The following ARMH3 variants were observed in gnomAD, a reference collection of about 807,000 sequenced individuals.
The protein encoded by ARMH3 is armadillo-like helical domain-containing protein 3.
Under a neutral mutation model 99.1 loss-of-function variants are expected in ARMH3, and 60 were observed. The ratio of observed to expected loss-of-function variants is 0.61; its 90% CI spans 0.49 to 0.75. The LOEUF is 0.75. ARMH3 is among the 30% of genes least tolerant of loss of function. The pLI is 0.00. For missense variants in ARMH3, 679 were observed against 843.1 expected (o/e 0.81, Z 2.41); for synonymous variants, 285 against 292.8 (o/e 0.97, Z 0.27).
intron 1 of ARMH3, among the ~76,000 whole-genome samples, chr10:102,044,861 C>T (rs12782991): frequency 6.6e-6 from 1 of 151,986 alleles, no homozygotes; most frequent in Non-Finnish European, 1.5e-5. Context: ...GCACACCAGG[C>T]GTGGTGGCTC....
intron 24 of ARMH3, 25 bp downstream of exon 24, chr10:101,889,386 GT>G (rs2067630614): frequency 6.3e-7 from 1 of 1,586,946 alleles, no homozygotes; most frequent in Admixed American, 1.7e-5. Context: ...CACCAACTAG[GT>G]CATCTGGGGA....
At chr10:101,878,052 G>A (rs758204063) in intron 24 of ARMH3, among the ~76,000 whole-genome samples, 37 of 152,272 alleles carry the variant, frequency 2.4e-4, no homozygotes, top group Middle Eastern at 3.4e-3. Flanking sequence ...GAGGTCAGGA[G>A]TTCGAGACTA....
chr10:101,925,354 C>A (rs1339184320), intron 23 of ARMH3, among the ~76,000 whole-genome samples: 1 of 152,096 alleles, frequency 6.6e-6, no homozygotes, highest in Non-Finnish European at 1.5e-5. Flanking sequence ...GACCCTAACA[C>A]CATATTTTAG....
At chr10:101,872,887 G>A (rs1361068203) in intron 24 of ARMH3, among the ~76,000 whole-genome samples, 3 of 151,684 alleles carry the variant, frequency 2.0e-5, no homozygotes, top group Non-Finnish European at 2.9e-5. Context: ...GAACCCAGGA[G>A]GTGAAGATTG....
chr10:101,904,963 AAAAG>A (rs1334576322), intron 23 of ARMH3, among the ~76,000 whole-genome samples: 6 of 151,740 alleles, frequency 4.0e-5, no homozygotes, highest in Non-Finnish European at 8.8e-5. Flanking sequence ...AAAAAAAAAA[AAAAG>A]AAAGAAAGAA....
At chr10:101,910,495 C>T (rs1396989528) in intron 23 of ARMH3, among the ~76,000 whole-genome samples, 5 of 151,988 alleles carry the variant, frequency 3.3e-5, no homozygotes, top group Non-Finnish European at 5.9e-5. Flanking sequence ...TTTGGGAGGC[C>T]GAGACGGGCA....
chr10:101,999,751 T>C (rs2066306041), intron 15 of ARMH3, among the ~76,000 whole-genome samples: 1 of 152,208 alleles, frequency 6.6e-6, no homozygotes, highest in Non-Finnish European at 1.5e-5. Flanking sequence ...AAAATATTTA[T>C]GTGTAAAGCA....
intron 14 of ARMH3, 80 bp from the exon 15 acceptor site, chr10:102,002,152 C>G: frequency 1.0e-5 from 16 of 1,568,068 alleles, no homozygotes; most frequent in African/African-American, 1.4e-5. Flanking sequence ...AATTTGCCAG[C>G]AGGCAAAAAA....
chr10:101,897,407 C>T (rs1453326295), intron 23 of ARMH3, among the ~76,000 whole-genome samples: 1 of 152,214 alleles, frequency 6.6e-6, no homozygotes, highest in African/African-American at 2.4e-5. Flanking sequence ...GTTTTATCCT[C>T]ATCCCAGGAA....
At chr10:102,026,845 T>G (rs919291204) in intron 5 of ARMH3, among the ~76,000 whole-genome samples, 2 of 152,178 alleles carry the variant, frequency 1.3e-5, no homozygotes, top group African/African-American at 4.8e-5. Flanking sequence ...GGATGATGGA[T>G]TTAAAGATGG....
chr10:102,004,928 G>A lies in ARMH3; in HGVS notation c.1048+1612C>T, dbSNP rs547981342. ...CTACTAAAAATACAAAAATTGGCCA[G>A]GCGTGGTGGCTCACGCCTGTAATCC... is the stretch of plus-strand genomic sequence containing the variant. On this transcript the variant is annotated intron_variant, in intron 14 of 25. Transcript: ENST00000370033. Among the ~76,000 whole-genome samples the A allele has an allele frequency of 7.9e-5, 12 of 152,298 alleles. No homozygotes were observed. The East Asian group carries it at 2.3e-3, about 29-fold the overall frequency.
At chr10:101,966,285 GTTTTTTTTTT>G (rs34196495) in intron 20 of ARMH3, among the ~76,000 whole-genome samples, 2 of 80,626 alleles carry the variant, frequency 2.5e-5, no homozygotes, top group African/African-American at 5.6e-5. Context: ...TTTGGTTTGG[GTTTTTTTTTT>G]TTTTTTTTTT....
intron 20 of ARMH3, among the ~76,000 whole-genome samples, chr10:101,962,402 C>G (rs1006561032): frequency 2.6e-5 from 4 of 151,580 alleles, no homozygotes; most frequent in African/African-American, 4.9e-5. Context: ...CTCAAACTTT[C>G]CTTTTTTTTT....
chr10:101,951,859 C>T (rs1844801230), intron 22 of ARMH3, among the ~76,000 whole-genome samples: 1 of 140,726 alleles, frequency 7.1e-6, no homozygotes, highest in African/African-American at 2.7e-5. Context: ...CAGAGCGAGA[C>T]TCCGTCTCAA....
rs569179050 is a variant in ARMH3 at position 101,946,071 on chromosome 10, C to CAAAA, written c.1706-6137_1706-6134dup. On this transcript the variant is annotated intron_variant, in intron 22 of 25. Coordinates refer to ENST00000370033, the MANE Select transcript of ARMH3 (RefSeq NM_024541.3). ...TGGGCGACAGAGTAAGACTCTGCCT[C>CAAAA]AAAAAAAAAAAAAAAAAAAAAAAAA... is the stretch of plus-strand genomic sequence containing the variant. Among the ~76,000 whole-genome samples the CAAAA allele has an allele frequency of 1.3e-3, 44 of 34,486 alleles. 2 individuals are homozygous for CAAAA. Among genetic ancestry groups the CAAAA allele is most frequent in the African/African-American group, 3.8e-3 (16 of 4,176 alleles). The allele number at this position is 34,486 out of a possible 152,430, so 22.6% of individuals were successfully genotyped here. A position where few individuals can be genotyped will look rare whatever the true frequency, so the allele number is the denominator to read the frequency against.
chr10:101,920,068 CTA>C (rs1241765911), intron 23 of ARMH3, among the ~76,000 whole-genome samples: 1 of 152,158 alleles, frequency 6.6e-6, no homozygotes, highest in Non-Finnish European at 1.5e-5. Flanking sequence ...GAAAGGAACT[CTA>C]TGTTTGTTTA....
At chr10:101,965,791 T>G (rs1250573125) in intron 20 of ARMH3, among the ~76,000 whole-genome samples, 1 of 152,242 alleles carries the variant, frequency 6.6e-6, no homozygotes, top group African/African-American at 2.4e-5. Context: ...TTTTCTGGGC[T>G]GTTTTTCAGG....
intron 23 of ARMH3, among the ~76,000 whole-genome samples, chr10:101,894,650 T>C (rs1280725111): frequency 1.3e-5 from 2 of 152,172 alleles, no homozygotes; most frequent in Non-Finnish European, 2.9e-5. Flanking sequence ...TTCTCACTGA[T>C]AGCACCTCCA....
chr10:101,851,738 G>A (rs557595273), intron 24 of ARMH3, among the ~76,000 whole-genome samples: 3 of 152,304 alleles, frequency 2.0e-5, no homozygotes, highest in African/African-American at 7.2e-5. Context: ...TTCGGTTTGG[G>A]AGGGAAGGAA....
Sources: allele counts gnomAD v4.1 joint callset (sites outside exome capture counted in the v4.1 genomes callset), GRCh38; gene constraint gnomAD v4.1.1; transcripts MANE v1.5; gene names NCBI Gene and HGNC (gene_info 2026-07-23, HGNC 2026-07-21).